The following TEX54 variants were observed in gnomAD, a reference collection of about 807,000 sequenced individuals.
The protein encoded by TEX54 is testis expressed 54, also known as testis-expressed protein 54.
For missense variants in TEX54, 58 were observed against 19.6 expected (o/e 2.96, Z -3.70); for synonymous variants, 17 against 7.0 (o/e 2.42, Z -2.24).
At chr11:62,832,554 G>A in exon 1 of TEX54, 1 of 439,584 alleles carries the variant, frequency 2.3e-6, no homozygotes, top group Non-Finnish European at 4.0e-6. Context: ...ATGGTCCGGG[G>A]AGTTCAAGTC....
the TEX54 span, chr11:62,832,693 C>CT: frequency 2.0e-6 from 1 of 497,648 alleles, no homozygotes; most frequent in South Asian, 3.5e-5. Flanking sequence ...TCCTCAGACT[C>CT]TTCCTCCTTG....
exon 1 of TEX54, chr11:62,832,373 G>A (rs890116804): frequency 7.9e-6 from 4 of 504,392 alleles, no homozygotes; most frequent in African/African-American, 6.0e-5. Context: ...AGCAGGTCTG[G>A]GGTCATCCCT....
At chr11:62,832,424 C>T in exon 1 of TEX54, 1 of 474,242 alleles carries the variant, frequency 2.1e-6, no homozygotes, top group South Asian at 4.0e-5. Flanking sequence ...TCGGACTCTC[C>T]TGCTTCCGAA....
At chr11:62,832,416 G>C (rs2084884427) in exon 1 of TEX54, 1 of 478,146 alleles carries the variant, frequency 2.1e-6, no homozygotes, top group South Asian at 3.9e-5. Flanking sequence ...TTCTCGGATC[G>C]GACTCTCCTG....
rs531468906 is a variant in TEX54, at chr11:62,832,376, T to C, written c.375A>G (p.Ter125TrpextTer14). 19 of 488,742 alleles carry C rather than the reference T, an allele frequency of 3.9e-5. No homozygotes were observed. The East Asian group carries it at 6.3e-4, about 16-fold the overall frequency. 30.3% of individuals were successfully genotyped at this position (488,742 alleles called of 1,614,324 possible). A position where few individuals can be genotyped will look rare whatever the true frequency, so the allele number is the denominator to read the frequency against. ...GGGCGGACTGAGAGCAGGTCTGGGG[T>C]CATCCCTTCTCCGGCTCCTCCTGGT... Residue 125 changes from the stop codon to tryptophan, a stop_lost, in exon 1 of 1, where the codon TGA becomes TGG. Coordinates refer to ENST00000636508, the Ensembl canonical transcript of TEX54.
At chr11:62,832,508 G>T in exon 1 of TEX54, 2 of 440,616 alleles carry the variant, frequency 4.5e-6, no homozygotes, top group South Asian at 5.8e-5. Flanking sequence ...GCCACAGCAC[G>T]GTAATCAGAA....
exon 1 of TEX54, chr11:62,832,566 A>T: frequency 2.3e-6 from 1 of 434,366 alleles, no homozygotes; most frequent in East Asian, 3.5e-5. Flanking sequence ...GTTCAAGTCG[A>T]TATCTTCGGC....
exon 1 of TEX54, chr11:62,832,548 T>C (rs1253222494): frequency 4.6e-6 from 2 of 438,284 alleles, no homozygotes; most frequent in Admixed American, 7.9e-5. Context: ...ATTCGGATGG[T>C]CCGGGGAGTT....
exon 1 of TEX54, chr11:62,832,699 C>T (rs1383115791): frequency 7.5e-6 from 4 of 534,442 alleles, no homozygotes; most frequent in Non-Finnish European, 1.3e-5. Flanking sequence ...GACTCTTCCT[C>T]CTTGGACTGC....
At chr11:62,832,645 G>A (rs2084887732) in exon 1 of TEX54, 5 of 464,224 alleles carry the variant, frequency 1.1e-5, no homozygotes, top group Non-Finnish European at 1.9e-5. Context: ...CACTCCCTGG[G>A]CCCTCTTTGT....
exon 1 of TEX54, chr11:62,832,486 T>C (rs1327065173): frequency 2.0e-5 from 9 of 445,562 alleles, no homozygotes; most frequent in Non-Finnish European, 3.6e-5. Flanking sequence ...CGACCGAACG[T>C]GGATAGTCGC....
exon 1 of TEX54, chr11:62,832,391 C>T: frequency 2.1e-6 from 1 of 473,886 alleles, no homozygotes. Flanking sequence ...CCTTCTCCGG[C>T]TCCTCCTGGT....
chr11:62,832,782 C>T lies in TEX54; in HGVS notation c.-32G>A, dbSNP rs1390786681. Reference sequence around the variant, plus strand: ...GCGTGGCCCTGGACTCCGTGCCACCCACGCCAGCCTGCCTGCCTCCAGGCC... The same window carrying T: ...GCGTGGCCCTGGACTCCGTGCCACCTACGCCAGCCTGCCTGCCTCCAGGCC... On this transcript the variant is annotated 5_prime_UTR_variant, in exon 1 of 1. An upstream open reading frame in the 5' UTR gains an earlier in-frame stop. Coordinates refer to ENST00000636508, the Ensembl canonical transcript of TEX54. The T allele has an allele frequency of 3.2e-5, 26 of 807,226 alleles. No homozygotes were observed. Among genetic ancestry groups the T allele is most frequent in the Non-Finnish European group, 4.9e-5 (26 of 535,690 alleles). The allele number at this position is 807,226 out of a possible 1,614,324, so 50.0% of individuals were successfully genotyped here. A position where few individuals can be genotyped will look rare whatever the true frequency, so the allele number is the denominator to read the frequency against.
At chr11:62,832,462 GCGAGGAGCCC>G in the TEX54 span, 1 of 447,426 alleles carries the variant, frequency 2.2e-6, no homozygotes, top group East Asian at 3.4e-5. Context: ...TTGCTTGGCC[GCGAGGAGCCC>G]CGACGACCGA....
exon 1 of TEX54, chr11:62,832,573 C>T (rs956757746): frequency 2.3e-6 from 1 of 435,180 alleles, no homozygotes. Flanking sequence ...TCGATATCTT[C>T]GGCGCCTGAG....
At chr11:62,832,808 C>A, upstream of TEX54, 1 of 1,067,756 alleles carries the variant, frequency 9.4e-7, no homozygotes. Flanking sequence ...CCTCCAGGCC[C>A]GGCTTTTGTG....
the TEX54 span, chr11:62,832,483 AC>A: frequency 2.2e-6 from 1 of 444,728 alleles, no homozygotes; most frequent in East Asian, 3.4e-5. Flanking sequence ...CGACGACCGA[AC>A]GTGGATAGTC....
chr11:62,832,669 C>T lies in TEX54; in HGVS notation c.82G>A (p.Glu28Lys), dbSNP rs1281341639. The T allele has an allele frequency of 8.3e-6, 4 of 481,198 alleles. No homozygotes were observed. The East Asian group carries it at 1.4e-4, about 16-fold the overall frequency. 29.8% of individuals were successfully genotyped at this position (481,198 alleles called of 1,614,324 possible). ...GGCCCTCTTTGTGTGTCTGTGGTCT[C>T]ATCTTCCCTGCCGTCCTCAGACTCT... The change falls in exon 1 of 1, where the codon GAG becomes AAG. Residue 28 changes from glutamate (E) to lysine (K), a missense_variant. Physicochemically the swap from Glu to Lys is moderately conservative, Grantham distance 56 (BLOSUM62 1). Coordinates refer to ENST00000636508, the Ensembl canonical transcript of TEX54.
rs554469412 is a variant in TEX54, at chr11:62,832,461, C to A, written c.290G>T (p.Arg97Leu). The change falls in exon 1 of 1, where the codon CGG (arginine) becomes CTG (leucine). Residue 97 changes from arginine (R) to leucine (L), a missense_variant. Arg to Leu is a moderately radical substitution (Grantham distance 102, BLOSUM62 -2). Transcript: ENST00000636508. ...CTGGTCTGGTTGCCTCTTGCTTGGC[C>A]GCGAGGAGCCCCGACGACCGAACGT... is the stretch of plus-strand genomic sequence containing the variant. The A allele has an allele frequency of 2.6e-3, 1,146 of 446,710 alleles. 3 individuals are homozygous for A. Among genetic ancestry groups the A allele is most frequent in the Non-Finnish European group, 3.3e-3 (828 of 253,616 alleles). The allele number at this position is 446,710 out of a possible 1,614,324, so 27.7% of individuals were successfully genotyped here. A position where few individuals can be genotyped will look rare whatever the true frequency, so the allele number is the denominator to read the frequency against.
Sources: allele counts gnomAD v4.1 joint callset, GRCh38; gene constraint gnomAD v4.1.1; transcripts MANE v1.5; gene names NCBI Gene and HGNC (gene_info 2026-07-23, HGNC 2026-07-21).